The following DENND1B variants were observed in gnomAD, a reference collection of about 807,000 sequenced individuals.
DENND1B encodes DENN domain containing 1B, also known as DENN domain-containing protein 1B.
A neutral mutation model predicts 90.1 loss-of-function variants in DENND1B; 59 were observed. That is an observed-to-expected ratio of 0.65 (90% CI 0.53 to 0.81). The LOEUF (loss-of-function observed/expected upper bound fraction) is 0.81, where lower values mean the gene tolerates loss of function less well. DENND1B is among the 40% of genes least tolerant of loss of function. The pLI is 0.00. For missense variants in DENND1B, 862 were observed against 912.6 expected, an observed-to-expected ratio of 0.94 and a Z score of 0.71; for synonymous variants, 337 against 324.6, an observed-to-expected ratio of 1.04 and a Z score of -0.41.
intron 19 of DENND1B, among the ~76,000 whole-genome samples, chr1:197,540,552 T>C (rs1670262005): frequency 6.6e-6 from 1 of 152,150 alleles, no homozygotes; most frequent in Admixed American, 6.5e-5. Flanking sequence ...AGAACATTCT[T>C]CATTTTAAAG....
chr1:197,752,034 A>G (rs1271148058), intron 2 of DENND1B, among the ~76,000 whole-genome samples: 1 of 151,368 alleles, frequency 6.6e-6, no homozygotes, highest in East Asian at 1.9e-4. Context: ...GGAGGAGGAG[A>G]AGGAGAAGAG....
chr1:197,665,269 G>A (rs1371266344), intron 5 of DENND1B, among the ~76,000 whole-genome samples: 10 of 152,086 alleles, frequency 6.6e-5, no homozygotes, highest in Non-Finnish European at 1.5e-4. Context: ...AAATGGACAC[G>A]TGGTTTATAT....
chr1:197,642,444 C>T (rs1342557756), intron 10 of DENND1B, among the ~76,000 whole-genome samples: 1 of 151,908 alleles, frequency 6.6e-6, no homozygotes, highest in Non-Finnish European at 1.5e-5. Context: ...GTAGAAGGCA[C>T]TAAAATGAAC....
intron 14 of DENND1B, among the ~76,000 whole-genome samples, chr1:197,588,085 T>C (rs987257945): frequency 2.6e-5 from 4 of 152,216 alleles, no homozygotes; most frequent in African/African-American, 9.6e-5. Context: ...CCTCCTGCCA[T>C]CTGGCCTGGT....
chr1:197,664,553 C>T (rs1171737081), intron 5 of DENND1B, among the ~76,000 whole-genome samples: 1 of 152,042 alleles, frequency 6.6e-6, no homozygotes, highest in Non-Finnish European at 1.5e-5. Flanking sequence ...CACACTTCTA[C>T]TTCCACTATA....
chr1:197,734,937 T>C (rs1002694201), intron 2 of DENND1B: 35 of 985,272 alleles, frequency 3.6e-5, no homozygotes, highest in Non-Finnish European at 3.9e-5. Flanking sequence ...CATGAAAATC[T>C]AAGCCTGGCA....
intron 13 of DENND1B, among the ~76,000 whole-genome samples, chr1:197,603,452 T>C (rs1676386577): frequency 1.3e-5 from 2 of 151,368 alleles, no homozygotes; most frequent in East Asian, 2.0e-4. Context: ...AAAATAGGAA[T>C]AGCATATTGA....
chr1:197,553,036 C>T lies in DENND1B; in HGVS notation c.1226G>A (p.Gly409Asp). Residue 409 changes from glycine (G) to aspartate (D), a missense_variant, in exon 16 of 23, where the codon GGT (glycine) becomes GAT (aspartate). Gly to Asp is a moderately conservative substitution (Grantham distance 94, BLOSUM62 -1). Coordinates refer to ENST00000620048, the MANE Select transcript of DENND1B (RefSeq NM_001195215.2). ...SDVFEEEITS[G>D]GFCGGNPRSY... is the part of the protein sequence containing the mutation. ...CTTGTCTTTACCTCCACAAAAGCCA[C>T]CTGAAGTGATCTCTTCTTCAAATAC... 8 of 1,572,894 alleles carry T rather than the reference C, an allele frequency of 5.1e-6. No individual in the cohort carries two copies. Among genetic ancestry groups the T allele is most frequent in the Non-Finnish European group, 6.9e-6 (8 of 1,166,130 alleles).
chr1:197,680,620 C>T (rs1472961196), intron 3 of DENND1B, among the ~76,000 whole-genome samples: 1 of 151,702 alleles, frequency 6.6e-6, no homozygotes, highest in South Asian at 2.1e-4. Flanking sequence ...TGTGTGCAAC[C>T]CAATAAATAT....
At chr1:197,668,605 A>T (rs1408352882) in intron 5 of DENND1B, among the ~76,000 whole-genome samples, 1 of 151,380 alleles carries the variant, frequency 6.6e-6, no homozygotes, top group East Asian at 2.0e-4. Context: ...TCCCACCAGC[A>T]TGTTACTCTC....
At chr1:197,570,095 T>C (rs545054445) in intron 15 of DENND1B, among the ~76,000 whole-genome samples, 1 of 151,966 alleles carries the variant, frequency 6.6e-6, no homozygotes, top group East Asian at 1.9e-4. Flanking sequence ...CAATTTTTAT[T>C]TGTCAAAAAA....
At chr1:197,581,719 A>G (rs1674258409) in intron 15 of DENND1B, among the ~76,000 whole-genome samples, 1 of 152,198 alleles carries the variant, frequency 6.6e-6, no homozygotes, top group South Asian at 2.1e-4. Flanking sequence ...TAACTTTATT[A>G]AGTGGTAAGG....
rs201309759 is a variant in DENND1B, at chr1:197,545,803, AT to A, written c.1350+118del. 4.3e-3 allele frequency: 3,657 copies of A among 850,682 alleles called. 57 individuals carry two copies. The highest frequency in any genetic ancestry group is 0.04 in the African/African-American group (2,248 of 56,438). The allele number at this position is 850,682 out of a possible 1,614,324, so 52.7% of individuals were successfully genotyped here. ...TTTGCTTTGGTCAATATTAATCCTA[AT>A]TTTTTTTTAGGTTTATTTAAAAGAA... is the stretch of plus-strand genomic sequence containing the variant. On this transcript the variant is annotated intron_variant, in intron 18 of 22. Coordinates refer to ENST00000620048, the MANE Select transcript of DENND1B (RefSeq NM_001195215.2).
intron 2 of DENND1B, among the ~76,000 whole-genome samples, chr1:197,753,772 A>G (rs931318470): frequency 1.1e-4 from 16 of 152,192 alleles, no homozygotes; most frequent in Middle Eastern, 3.4e-3. Flanking sequence ...AGGCCCAGGC[A>G]GGCAGATCGC....
At chr1:197,625,627 T>C (rs1327245546) in intron 10 of DENND1B, among the ~76,000 whole-genome samples, 1 of 151,980 alleles carries the variant, frequency 6.6e-6, no homozygotes, top group Non-Finnish European at 1.5e-5. Context: ...AATCACCAGC[T>C]AACATCATAA....
intron 14 of DENND1B, among the ~76,000 whole-genome samples, chr1:197,590,874 G>A (rs959613923): frequency 2.6e-5 from 4 of 151,982 alleles, no homozygotes; most frequent in Non-Finnish European, 4.4e-5. Flanking sequence ...CTGTCTCCCC[G>A]CCTCTGGTCT....
At chr1:197,633,397 T>C (rs1679504564) in intron 10 of DENND1B, among the ~76,000 whole-genome samples, 1 of 152,184 alleles carries the variant, frequency 6.6e-6, no homozygotes, top group South Asian at 2.1e-4. Context: ...ATCTGGACTC[T>C]GGATATTTTT....
intron 2 of DENND1B, chr1:197,734,949 AC>A: frequency 7.1e-6 from 7 of 985,412 alleles, no homozygotes; most frequent in Non-Finnish European, 8.4e-6. Context: ...AGCCTGGCAA[AC>A]AAAAATATTT....
chr1:197,649,203 T>C (rs932817572), intron 7 of DENND1B, among the ~76,000 whole-genome samples: 1 of 152,138 alleles, frequency 6.6e-6, no homozygotes, highest in African/African-American at 2.4e-5. Context: ...GGAGGAAAAT[T>C]AAAAGTTGGA....
Sources: allele counts gnomAD v4.1 joint callset (sites outside exome capture counted in the v4.1 genomes callset), GRCh38; gene constraint gnomAD v4.1.1; transcripts MANE v1.5; gene names NCBI Gene and HGNC (gene_info 2026-07-23, HGNC 2026-07-21).